NICOL1: variants seen among roughly 807,000 people sequenced by gnomAD.
NICOL1 encodes the protein NELL2 interacting cell ontogeny regulator 1, also known as NELL2-interacting cell ontogeny regulator 1.
At chr4:2,042,750 G>C in the NICOL1 span, 11 of 1,516,888 alleles carry the variant, frequency 7.3e-6, no homozygotes, top group Non-Finnish European at 9.7e-6. Flanking sequence ...CCCATGCGTG[G>C]ACTGCCACGC....
At chr4:2,036,907 G>A in the NICOL1 span, among the ~76,000 whole-genome samples, 1 of 152,034 alleles carries the variant, frequency 6.6e-6, no homozygotes, top group Non-Finnish European at 1.5e-5. Flanking sequence ...TCCTCCACAG[G>A]GGAGGCACTG....
the NICOL1 span, chr4:2,041,643 A>T: frequency 2.5e-5 from 6 of 244,604 alleles, no homozygotes; most frequent in African/African-American, 1.1e-4. Flanking sequence ...CCGCGGTCGG[A>T]GGCCAAGCGT....
At chr4:2,039,722 C>G in the NICOL1 span, among the ~76,000 whole-genome samples, 1 of 152,054 alleles carries the variant, frequency 6.6e-6, no homozygotes, top group Non-Finnish European at 1.5e-5. Flanking sequence ...CACCTGTAGT[C>G]CCAGCTACTG....
chr4:2,043,917 G>A, the NICOL1 span: 20 of 1,548,440 alleles, frequency 1.3e-5, no homozygotes, highest in South Asian at 2.4e-5. Flanking sequence ...GCTGGCCAGC[G>A]GGGCACTGAG....
the NICOL1 span, among the ~76,000 whole-genome samples, chr4:2,037,457 A>C: frequency 6.6e-6 from 1 of 152,238 alleles, no homozygotes; most frequent in African/African-American, 2.4e-5. Context: ...AGCATTCTGA[A>C]CTAAATTAAG....
chr4:2,041,720 T>C, the NICOL1 span: 1 of 431,238 alleles, frequency 2.3e-6, no homozygotes, highest in Non-Finnish European at 4.1e-6. Flanking sequence ...CCTGACCTGC[T>C]GAGCTCCAGC....
chr4:2,037,046 T>C, the NICOL1 span, among the ~76,000 whole-genome samples: 2 of 152,028 alleles, frequency 1.3e-5, no homozygotes, highest in Non-Finnish European at 2.9e-5. Flanking sequence ...CGACTTCCCC[T>C]TTGCTGTTCT....
chr4:2,040,716 C>G, the NICOL1 span, among the ~76,000 whole-genome samples: 1 of 152,202 alleles, frequency 6.6e-6, no homozygotes, highest in African/African-American at 2.4e-5. Flanking sequence ...CCCGGCCCCT[C>G]GGGCCCCGCG....
chr4:2,038,670 T>C, the NICOL1 span, among the ~76,000 whole-genome samples: 1 of 152,198 alleles, frequency 6.6e-6, no homozygotes, highest in African/African-American at 2.4e-5. Context: ...AGATAATGTT[T>C]TGTGAAGCAT....
At chr4:2,043,809 G>A in the NICOL1 span, 2 of 1,493,446 alleles carry the variant, frequency 1.3e-6, no homozygotes, top group Non-Finnish European at 1.8e-6. Context: ...AGGCCCAGGG[G>A]AATGCCAGTG....
the NICOL1 span, among the ~76,000 whole-genome samples, chr4:2,039,573 G>A: frequency 6.6e-6 from 1 of 152,084 alleles, no homozygotes; most frequent in Non-Finnish European, 1.5e-5. Flanking sequence ...AGTGGCTCAC[G>A]CCTGGATTCC....
the NICOL1 span, among the ~76,000 whole-genome samples, chr4:2,037,401 T>G: frequency 6.6e-6 from 1 of 152,198 alleles, no homozygotes; most frequent in Non-Finnish European, 1.5e-5. Flanking sequence ...GCCAATACAC[T>G]TCTAAATAAC....
At chr4:2,042,899 C>T in the NICOL1 span, 3 of 1,031,268 alleles carry the variant, frequency 2.9e-6, no homozygotes, top group Non-Finnish European at 4.0e-6. Context: ...AGGAAGAGGC[C>T]CCCTGCGGGA....
At chr4:2,041,556 C>T in the NICOL1 span, among the ~76,000 whole-genome samples, 1 of 152,138 alleles carries the variant, frequency 6.6e-6, no homozygotes, top group East Asian at 1.9e-4. Context: ...AAAAGCCGGG[C>T]GAGGGCGGAT....
At chr4:2,039,825 G>A in the NICOL1 span, among the ~76,000 whole-genome samples, 1 of 152,104 alleles carries the variant, frequency 6.6e-6, no homozygotes, top group African/African-American at 2.4e-5. Context: ...GGGTAACAGA[G>A]TAAGACTCTG....
chr4:2,041,996 T>A, the NICOL1 span: 1 of 1,468,838 alleles, frequency 6.8e-7, no homozygotes, highest in Admixed American at 2.9e-5. Flanking sequence ...TCGGAGCGCA[T>A]GCGCGTTGCG....
chr4:2,042,914 A>G, the NICOL1 span: 1 of 845,468 alleles, frequency 1.2e-6, no homozygotes, highest in African/African-American at 1.8e-5. Flanking sequence ...GCGGGAGTGG[A>G]GTGTCCCTCA....
At chr4:2,042,704 G>A in the NICOL1 span, 4 of 1,306,864 alleles carry the variant, frequency 3.1e-6, no homozygotes, top group East Asian at 2.8e-5. Context: ...CCCCCCCTGC[G>A]CCCCCTCCAC....
the NICOL1 span, chr4:2,042,853 C>T: frequency 6.2e-6 from 9 of 1,446,794 alleles, no homozygotes; most frequent in East Asian, 2.8e-5. Flanking sequence ...ACGGTCCTCC[C>T]GGGCTTCCCA....
Sources: gnomAD v4.1 joint callset for allele counts (sites outside exome capture counted in the v4.1 genomes callset) on GRCh38, gnomAD v4.1.1 for gene constraint, MANE v1.5 for transcripts, NCBI Gene and HGNC (gene_info 2026-07-23, HGNC 2026-07-21) for gene names.